The following PTPRD variants were observed in gnomAD, a reference collection of about 807,000 sequenced individuals.
PTPRD encodes receptor-type tyrosine-protein phosphatase delta.
In PTPRD, 34 loss-of-function variants were observed where a neutral mutation model predicts 214.5. The observed-to-expected ratio is 0.16, with a 90% confidence interval of 0.12 to 0.21. PTPRD has a LOEUF of 0.21. Ranked by LOEUF, PTPRD falls within the 10% of genes least tolerant of loss-of-function variation. The pLI, the probability that PTPRD is intolerant of heterozygous loss-of-function variation, is 1.00. For synonymous variants in PTPRD, 1,128 were observed against 845.7 expected (o/e 1.33, Z -5.79); for missense variants, 2,545 against 2,398.7 (o/e 1.06, Z -1.27).
intron 3 of PTPRD, among the ~76,000 whole-genome samples, chr9:10,306,037 G>T (rs2096056418): frequency 6.6e-6 from 1 of 152,040 alleles, no homozygotes; most frequent in South Asian, 2.1e-4. Flanking sequence ...GCCCATCAAT[G>T]ATAGACTGGA....
chr9:8,447,330 C>G (rs1024043267), intron 34 of PTPRD, among the ~76,000 whole-genome samples: 8 of 152,146 alleles, frequency 5.3e-5, no homozygotes, highest in African/African-American at 1.9e-4. Flanking sequence ...CCTTTATACT[C>G]AGGTCCCCAT....
chr9:10,012,374 G>A (rs891497657), intron 4 of PTPRD, among the ~76,000 whole-genome samples: 9 of 151,776 alleles, frequency 5.9e-5, no homozygotes, highest in Admixed American at 1.3e-4. Flanking sequence ...AAAAAAAATC[G>A]TGTTTTCCAC....
At chr9:9,677,893 G>A (rs1300309926) in intron 7 of PTPRD, among the ~76,000 whole-genome samples, 1 of 151,966 alleles carries the variant, frequency 6.6e-6, no homozygotes, top group Non-Finnish European at 1.5e-5. Flanking sequence ...AAATCAATGT[G>A]CAAAAATCAC....
chr9:9,595,142 T>G (rs1044773130), intron 7 of PTPRD, among the ~76,000 whole-genome samples: 1 of 151,612 alleles, frequency 6.6e-6, no homozygotes, highest in Non-Finnish European at 1.5e-5. Flanking sequence ...CTGATGGGAA[T>G]GTAAACCAGT....
intron 3 of PTPRD, among the ~76,000 whole-genome samples, chr9:10,289,278 C>T (rs1390890582): frequency 6.6e-6 from 1 of 151,984 alleles, no homozygotes; most frequent in East Asian, 1.9e-4. Flanking sequence ...TGTCATTTCC[C>T]CCAATTTAAG....
At chr9:8,402,411 G>A (rs1214902747) in intron 36 of PTPRD, among the ~76,000 whole-genome samples, 3 of 152,064 alleles carry the variant, frequency 2.0e-5, no homozygotes, top group Non-Finnish European at 4.4e-5. Flanking sequence ...AAAATAACAG[G>A]TTAAGAAAAA....
intron 11 of PTPRD, among the ~76,000 whole-genome samples, chr9:8,858,820 C>CACACACACACAT (rs2098023711): frequency 6.6e-6 from 1 of 150,656 alleles, no homozygotes; most frequent in African/African-American, 2.5e-5. Flanking sequence ...CACACACACA[C>CACACACACACAT]ACACACACAT....
chr9:10,578,252 A>T (rs2070281763), intron 2 of PTPRD, among the ~76,000 whole-genome samples: 1 of 152,070 alleles, frequency 6.6e-6, no homozygotes, highest in Admixed American at 6.6e-5. Context: ...ATGTCTCCTA[A>T]ATTTTCTAAA....
chr9:9,728,022 T>A (rs905779866), intron 7 of PTPRD, among the ~76,000 whole-genome samples: 3 of 152,252 alleles, frequency 2.0e-5, no homozygotes, highest in African/African-American at 7.2e-5. Context: ...TGGGGGCAGT[T>A]TCCCCCATAC....
chr9:8,974,707 A>G (rs2099258219), intron 11 of PTPRD, among the ~76,000 whole-genome samples: 1 of 152,048 alleles, frequency 6.6e-6, no homozygotes, highest in South Asian at 2.1e-4. Flanking sequence ...CTTTAGAATC[A>G]CATTAAAAGA....
At chr9:8,706,786 T>A (rs1234538174) in intron 12 of PTPRD, among the ~76,000 whole-genome samples, 1 of 152,208 alleles carries the variant, frequency 6.6e-6, no homozygotes, top group Non-Finnish European at 1.5e-5. Context: ...TCTGCATAGC[T>A]TGGCGTCCAG....
intron 3 of PTPRD, among the ~76,000 whole-genome samples, chr9:10,176,489 G>T (rs940669871): frequency 4.6e-5 from 7 of 151,886 alleles, no homozygotes; most frequent in Non-Finnish European, 8.8e-5. Flanking sequence ...TCAATTATCA[G>T]ACCTGTAAGT....
intron 7 of PTPRD, among the ~76,000 whole-genome samples, chr9:9,732,352 A>T (rs914585760): frequency 6.6e-6 from 1 of 152,110 alleles, no homozygotes; most frequent in African/African-American, 2.4e-5. Context: ...AAAAACAAAC[A>T]AACAAACAAG....
At chr9:8,396,269 GA>G (rs2091140431) in intron 36 of PTPRD, among the ~76,000 whole-genome samples, 1 of 152,052 alleles carries the variant, frequency 6.6e-6, no homozygotes, top group African/African-American at 2.4e-5. Flanking sequence ...CGTAAAAATG[GA>G]AAAAGTCTGC....
chr9:10,223,770 A>G (rs1223501207), intron 3 of PTPRD, among the ~76,000 whole-genome samples: 1 of 150,400 alleles, frequency 6.6e-6, no homozygotes, highest in Non-Finnish European at 1.5e-5. Context: ...ACCTCTGGGT[A>G]ACAGAAGCAA....
At chr9:9,743,891 C>T (rs1171357788) in intron 6 of PTPRD, among the ~76,000 whole-genome samples, 2 of 152,036 alleles carry the variant, frequency 1.3e-5, no homozygotes, top group Non-Finnish European at 2.9e-5. Context: ...GCTAATTGAT[C>T]CGATAAATCT....
intron 39 of PTPRD, among the ~76,000 whole-genome samples, chr9:8,368,278 G>A (rs1033829008): frequency 1.3e-5 from 2 of 152,096 alleles, no homozygotes; most frequent in Non-Finnish European, 2.9e-5. Context: ...TCCTTAGCTG[G>A]CGAGTGAGGA....
Position 9,960,222 on chromosome 9 carries a change from GA to G in PTPRD, c.-471-21613del, listed in dbSNP as rs35855733. Among the ~76,000 whole-genome samples the G allele has an allele frequency of 3.2e-3, 393 of 124,178 alleles. 3 individuals carry two copies. Among genetic ancestry groups the G allele is most frequent in the Admixed American group, 8.6e-3 (101 of 11,754 alleles). The allele number at this position is 124,178 out of a possible 152,430, so 81.5% of individuals were successfully genotyped here. A position where few individuals can be genotyped will look rare whatever the true frequency, so the allele number is the denominator to read the frequency against. ...TATGAAAAAAGGAGTATGAAAATTT[GA>G]AAAAAAAAAAAAAATAGTGTGTCAA... On this transcript the variant is annotated intron_variant, in intron 4 of 45. Coordinates refer to ENST00000381196, the MANE Select transcript of PTPRD (RefSeq NM_002839.4).
intron 5 of PTPRD, among the ~76,000 whole-genome samples, chr9:9,850,384 T>C (rs533678545): frequency 1.3e-5 from 2 of 152,124 alleles, no homozygotes; most frequent in Admixed American, 6.6e-5. Context: ...AGTATTGCTA[T>C]TGTCCTGGTT....
Sources: allele counts gnomAD v4.1 joint callset (sites outside exome capture counted in the v4.1 genomes callset), GRCh38; gene constraint gnomAD v4.1.1; transcripts MANE v1.5; gene names NCBI Gene and HGNC (gene_info 2026-07-23, HGNC 2026-07-21).